The following MYOM2 variants were observed in gnomAD, a reference collection of about 807,000 sequenced individuals.
MYOM2 encodes myomesin 2.
In MYOM2, 254 loss-of-function variants were observed where a neutral mutation model predicts 187.6. That is an observed-to-expected ratio of 1.35 (90% CI 1.22 to 1.50). MYOM2 has a LOEUF of 1.50. Among genes scored for constraint, MYOM2 ranks in the 40% most tolerant of loss-of-function variants. MYOM2 has a pLI of 0.00. For missense variants in MYOM2, 2,796 were observed against 1,924.0 expected (o/e 1.45, Z -8.48); for synonymous variants, 981 against 753.8 (o/e 1.30, Z -4.94).
intron 3 of MYOM2, among the ~76,000 whole-genome samples, chr8:2,054,920 C>CCAAGTACCTGGATACTGGGGAAA (rs1818607306): frequency 8.1e-6 from 1 of 123,748 alleles, no homozygotes; most frequent in African/African-American, 2.7e-5. Context: ...TACTGGGGAA[C>CCAAGTACCTGGATACTGGGGAAA]CAAGTACCTG....
chr8:2,057,571 T>C, intron 4 of MYOM2, 52 bp from the exon 5 acceptor site: 1 of 1,612,930 alleles, frequency 6.2e-7, no homozygotes, highest in Admixed American at 1.7e-5. Flanking sequence ...GGGCCGAGGG[T>C]GGAGCTTGGC....
intron 36 of MYOM2, 35 bp downstream of exon 36, chr8:2,143,491 C>T (rs1798351250): frequency 1.2e-6 from 2 of 1,612,994 alleles, no homozygotes; most frequent in African/African-American, 2.7e-5. Context: ...GTGGGGGTGT[C>T]AGCACGGTGC....
intron 28 of MYOM2, among the ~76,000 whole-genome samples, chr8:2,121,061 C>T (rs35523835): frequency 0.65 from 98,171 of 151,810 alleles, 32,070 homozygotes; most frequent in East Asian, 0.75. Context: ...GCATAATGGA[C>T]ATTTAAAGGG....
chr8:2,093,985 C>T lies in MYOM2; in HGVS notation c.2019C>T (p.Gly673=), dbSNP rs756134275. 6 of 1,614,148 alleles carry T rather than the reference C, an allele frequency of 3.7e-6. No homozygotes were observed. The South Asian group carries it at 6.6e-5, about 18-fold the overall frequency. ...PIGYNRFVVH[G]LTTGEQYIFR... ...TGTTTCTCAGGTTCGTGGTGCACGGCTTAACCACGGGAGAGCAGTACATCT... is the reference window on the plus strand; with the variant it reads ...TGTTTCTCAGGTTCGTGGTGCACGGTTTAACCACGGGAGAGCAGTACATCT... The change falls in exon 17 of 37, where the codon GGC becomes GGT. Residue 673 remains glycine, a synonymous_variant. Coordinates refer to ENST00000262113, the MANE Select transcript of MYOM2 (RefSeq NM_003970.4).
At chr8:2,107,022 C>T (rs777389437) in intron 23 of MYOM2, among the ~76,000 whole-genome samples, 42 of 152,160 alleles carry the variant, frequency 2.8e-4, no homozygotes, top group Middle Eastern at 3.4e-3. Flanking sequence ...TTTTAACTGA[C>T]GAAGTGAAAA....
chr8:2,097,571 G>A (rs547826370), intron 18 of MYOM2, among the ~76,000 whole-genome samples: 57 of 152,308 alleles, frequency 3.7e-4, no homozygotes, highest in South Asian at 2.5e-3. Flanking sequence ...CTGGAGTGCA[G>A]TGGCACGATC....
At chr8:2,049,983 G>C (rs1818429823) in intron 1 of MYOM2, among the ~76,000 whole-genome samples, 1 of 152,108 alleles carries the variant, frequency 6.6e-6, no homozygotes, top group Non-Finnish European at 1.5e-5. Flanking sequence ...CTCACCTCCT[G>C]CTACGCCTGT....
intron 24 of MYOM2, 33 bp downstream of exon 24, chr8:2,108,863 G>C (rs768563043): frequency 6.2e-7 from 1 of 1,610,298 alleles, no homozygotes; most frequent in South Asian, 1.1e-5. Flanking sequence ...CCCTCTGCTT[G>C]CAGCTGCTGG....
Position 2,096,884 on chromosome 8 carries a change from A to G in MYOM2, c.2313+450A>G, listed in dbSNP as rs115315613. On this transcript the variant is annotated intron_variant, in intron 18 of 36. Transcript: ENST00000262113. ...CATTCTTGTATTTCAGGCCTCCCAG[A>G]GAGTCCCTTGCCTCAGTGCCCCTGG... 8.8e-3 allele frequency among the ~76,000 whole-genome samples: 1,340 copies of G among 152,274 alleles called. 19 individuals carry two copies. The highest frequency in any genetic ancestry group is 0.031 in the African/African-American group (1,302 of 41,530).
intron 3 of MYOM2, among the ~76,000 whole-genome samples, chr8:2,055,707 G>A (rs1021704294): frequency 2.7e-4 from 41 of 152,142 alleles, no homozygotes; most frequent in East Asian, 1.9e-4. Flanking sequence ...CTGGGGAAGC[G>A]CTGGTCCATC....
intron 23 of MYOM2, 151 bp from the exon 24 acceptor site, chr8:2,108,635 A>G: frequency 4.0e-6 from 3 of 753,704 alleles, no homozygotes; most frequent in Non-Finnish European, 6.8e-6. Context: ...GCTATCCTCT[A>G]TGTCCCTCAG....
In MYOM2 at chr8:2,069,315, G is replaced by A; in HGVS notation, c.691G>A (p.Ala231Thr). 1 of 1,613,692 alleles carries A rather than the reference G, an allele frequency of 6.2e-7. No homozygotes were observed. The highest frequency in any genetic ancestry group is 1.7e-4 in the Middle Eastern group (1 of 5,744). ...FDDTATYSAV[A>T]TNAHGQVSTN... ...CGACACTGCGACATACTCAGCAGTG[G>A]CCACCAATGCCCACGGACAAGTGTC... Residue 231 changes from alanine to threonine, a missense_variant, in exon 7 of 37, where the codon GCC (alanine) becomes ACC (threonine). Ala to Thr is a moderately conservative substitution (Grantham distance 58, BLOSUM62 0). Transcript: ENST00000262113.
intron 25 of MYOM2, among the ~76,000 whole-genome samples, chr8:2,115,140 CA>C (rs1166260103): frequency 1.4e-5 from 2 of 144,324 alleles, no homozygotes; most frequent in Non-Finnish European, 3.0e-5. Flanking sequence ...GTAAAAATAT[CA>C]AGCCCCCAAA....
chr8:2,090,463 A>C (rs545150601), intron 15 of MYOM2, among the ~76,000 whole-genome samples: 1 of 152,296 alleles, frequency 6.6e-6, no homozygotes, highest in East Asian at 1.9e-4. Flanking sequence ...GTTTTATTTA[A>C]ACTTTTAAAA....
At chr8:2,136,337 G>T (rs569834838) in intron 32 of MYOM2, among the ~76,000 whole-genome samples, 1 of 149,460 alleles carries the variant, frequency 6.7e-6, no homozygotes, top group Non-Finnish European at 1.5e-5. Context: ...GGGTGGCAGC[G>T]GAGGCCGCAG....
chr8:2,073,202 C>G (rs567601328), intron 9 of MYOM2, 137 bp from the exon 10 acceptor site: 8 of 925,468 alleles, frequency 8.6e-6, no homozygotes, highest in African/African-American at 8.1e-5. Context: ...GGGATTTTAC[C>G]AGGCTGAGGC....
chr8:2,058,205 G>C (rs1048572469), intron 5 of MYOM2, among the ~76,000 whole-genome samples: 6 of 151,920 alleles, frequency 3.9e-5, no homozygotes, highest in Non-Finnish European at 8.8e-5. Context: ...TTTTAGTAGA[G>C]ATGGGGTTTC....
At chr8:2,103,676 G>C (rs1307908792) in intron 21 of MYOM2, among the ~76,000 whole-genome samples, 1 of 151,298 alleles carries the variant, frequency 6.6e-6, no homozygotes, top group Non-Finnish European at 1.5e-5. Flanking sequence ...TGTATGTAGA[G>C]GTATATGGAT....
chr8:2,058,428 C>T (rs1818746571), intron 5 of MYOM2, among the ~76,000 whole-genome samples: 1 of 152,092 alleles, frequency 6.6e-6, no homozygotes, highest in Non-Finnish European at 1.5e-5. Flanking sequence ...GTCTGCTTTT[C>T]AATATGGAAA....
Sources: allele counts gnomAD v4.1 joint callset (sites outside exome capture counted in the v4.1 genomes callset), GRCh38; gene constraint gnomAD v4.1.1; transcripts MANE v1.5; gene names NCBI Gene and HGNC (gene_info 2026-07-23, HGNC 2026-07-21).